The following KCNJ3 variants were observed in gnomAD, a reference collection of about 807,000 sequenced individuals.
KCNJ3 encodes the protein G protein-activated inward rectifier potassium channel 1.
In KCNJ3, 4 loss-of-function variants were observed where a neutral mutation model predicts 39.2. The observed-to-expected ratio is 0.10, with a 90% CI of 0.05 to 0.23. KCNJ3 has a LOEUF of 0.23. KCNJ3 is among the 10% of genes least tolerant of loss of function. KCNJ3 has a pLI of 1.00. For missense variants in KCNJ3, 276 were observed against 634.9 expected, an observed-to-expected ratio of 0.43 and a Z score of 6.08; for synonymous variants, 230 against 237.4, an observed-to-expected ratio of 0.97 and a Z score of 0.29.
intron 2 of KCNJ3, among the ~76,000 whole-genome samples, chr2:154,828,239 C>A (rs1015976056): frequency 6.6e-6 from 1 of 152,118 alleles, no homozygotes; most frequent in Non-Finnish European, 1.5e-5. Context: ...CTGATGAGAG[C>A]CATCATATGA....
At chr2:154,844,271 C>T (rs775297026) in intron 2 of KCNJ3, among the ~76,000 whole-genome samples, 6 of 152,196 alleles carry the variant, frequency 3.9e-5, no homozygotes, top group Admixed American at 1.3e-4. Context: ...GTGTCACCAG[C>T]GGAGGCTGCA....
intron 2 of KCNJ3, among the ~76,000 whole-genome samples, chr2:154,748,573 A>G (rs1685785023): frequency 6.6e-6 from 1 of 152,034 alleles, no homozygotes; most frequent in Non-Finnish European, 1.5e-5. Context: ...CTTGGAACCA[A>G]ACTCATCCAA....
At chr2:154,769,088 T>A (rs1267590055) in intron 2 of KCNJ3, among the ~76,000 whole-genome samples, 1 of 152,234 alleles carries the variant, frequency 6.6e-6, no homozygotes, top group Non-Finnish European at 1.5e-5. Flanking sequence ...GATTTTGGGC[T>A]GAGACAATGG....
intron 2 of KCNJ3, among the ~76,000 whole-genome samples, chr2:154,819,744 T>G (rs1182607413): frequency 2.0e-5 from 3 of 152,120 alleles, no homozygotes; most frequent in Non-Finnish European, 2.9e-5. Flanking sequence ...TTGGCCAGGA[T>G]GCTCTCAATC....
intron 2 of KCNJ3, among the ~76,000 whole-genome samples, chr2:154,755,476 C>A (rs940870667): frequency 6.6e-6 from 1 of 150,790 alleles, no homozygotes; most frequent in Non-Finnish European, 1.5e-5. Context: ...CATTATTCTG[C>A]CTAAGGAATG....
At chr2:154,850,811 C>G (rs1687745880) in intron 2 of KCNJ3, among the ~76,000 whole-genome samples, 2 of 152,102 alleles carry the variant, frequency 1.3e-5, no homozygotes, top group Non-Finnish European at 2.9e-5. Flanking sequence ...TTAATACACC[C>G]CATATATCCA....
intron 2 of KCNJ3, among the ~76,000 whole-genome samples, chr2:154,846,162 G>A (rs949041242): frequency 8.6e-5 from 13 of 151,982 alleles, no homozygotes; most frequent in Non-Finnish European, 1.8e-4. Context: ...TAGTAGACTG[G>A]GCTCAGTTCC....
At chr2:154,833,171 T>C (rs2971899) in intron 2 of KCNJ3, among the ~76,000 whole-genome samples, 31,376 of 152,168 alleles carry the variant, frequency 0.21, 3,538 homozygotes, top group East Asian at 0.41. Flanking sequence ...CATCACGGTA[T>C]GTAGGTCCTT....
chr2:154,837,438 A>C (rs1687489130), intron 2 of KCNJ3, among the ~76,000 whole-genome samples: 1 of 152,174 alleles, frequency 6.6e-6, no homozygotes, highest in South Asian at 2.1e-4. Flanking sequence ...TCCAGATTGA[A>C]ATGTAGCATA....
intron 2 of KCNJ3, among the ~76,000 whole-genome samples, chr2:154,850,898 T>C (rs1000887784): frequency 2.6e-5 from 4 of 152,160 alleles, no homozygotes; most frequent in African/African-American, 9.7e-5. Flanking sequence ...ATATCAGTAA[T>C]GTAACTTTTT....
chr2:154,728,429 T>C (rs10932167), intron 2 of KCNJ3, among the ~76,000 whole-genome samples: 36,965 of 152,112 alleles, frequency 0.24, 5,490 homozygotes, highest in South Asian at 0.32. Flanking sequence ...GGAAAGGGGA[T>C]ATCTAAAATA....
At position 154,854,912 on chromosome 2, in the gene KCNJ3, T is replaced by C. The variant is rs781229979; in HGVS notation, c.1105T>C (p.Ser369Pro). The C allele has an allele frequency of 6.2e-7, 1 of 1,613,870 alleles. No individual in the cohort carries two copies. Among genetic ancestry groups the C allele is most frequent in the Non-Finnish European group, 8.5e-7 (1 of 1,179,904 alleles). Residue 369 changes from serine to proline, a missense_variant, in exon 3 of 3, where the codon TCC becomes CCC. Physicochemically the swap from Ser to Pro is moderately conservative, Grantham distance 74. Coordinates refer to ENST00000295101, the MANE Select transcript of KCNJ3 (RefSeq NM_002239.4). ...GCAGGAGGAAATGCTTCTCATGTCG[T>C]CCCCTTTAATAGCACCAGCCATAAC... ...KEQEEMLLMSSPLIAPAITNS... is the reference protein window; with the variant it reads ...KEQEEMLLMSPPLIAPAITNS...
At chr2:154,735,140 G>A (rs1485370057) in intron 2 of KCNJ3, among the ~76,000 whole-genome samples, 1 of 150,574 alleles carries the variant, frequency 6.6e-6, no homozygotes, top group Non-Finnish European at 1.5e-5. Flanking sequence ...AGGCGGGAGT[G>A]CAGGGGCGCG....
intron 2 of KCNJ3, among the ~76,000 whole-genome samples, chr2:154,799,276 G>A (rs994258309): frequency 6.6e-6 from 1 of 152,030 alleles, no homozygotes; most frequent in Non-Finnish European, 1.5e-5. Flanking sequence ...GATAGCTGGG[G>A]TTATAGGTGT....
rs1418495469 is a variant in KCNJ3, at chr2:154,819,632, G to T, written c.920-35095G>T. ...TGCAACCTCTGCCTCCCGGGTTCAA[G>T]CTATTCTTCTGCCTCAGCCTCCTGA... On this transcript the variant is annotated intron_variant, in intron 2 of 2. Transcript: ENST00000295101. Among the ~76,000 whole-genome samples, 4 of 152,114 alleles carry T rather than the reference G, an allele frequency of 2.6e-5. No homozygotes were observed. In the East Asian group the frequency reaches 7.7e-4, roughly 29 times the overall value.
chr2:154,811,096 A>G (rs1051072572), intron 2 of KCNJ3, among the ~76,000 whole-genome samples: 26 of 152,170 alleles, frequency 1.7e-4, no homozygotes, highest in African/African-American at 6.3e-4. Flanking sequence ...CATTTATTGT[A>G]TGCTTAATAT....
At position 154,824,151 on chromosome 2, in the gene KCNJ3, A is replaced by G. The variant is rs148147528; in HGVS notation, c.920-30576A>G. Among the ~76,000 whole-genome samples, 465 of 152,276 alleles carry G rather than the reference A, an allele frequency of 3.1e-3. 4 individuals carry two copies. Among genetic ancestry groups the G allele is most frequent in the African/African-American group, 0.011 (450 of 41,550 alleles). ...GGAGTTGGAGACCAGCCTGAGCAACATGGTGAAACCACATCTCTACAAAAA... is the reference window on the plus strand; with the variant it reads ...GGAGTTGGAGACCAGCCTGAGCAACGTGGTGAAACCACATCTCTACAAAAA... On this transcript the variant is annotated intron_variant, in intron 2 of 2. Coordinates refer to ENST00000295101, the MANE Select transcript of KCNJ3 (RefSeq NM_002239.4).
intron 2 of KCNJ3, among the ~76,000 whole-genome samples, chr2:154,845,584 A>ATGCTT (rs1201898741): frequency 1.3e-5 from 2 of 152,236 alleles, no homozygotes; most frequent in Non-Finnish European, 2.9e-5. Context: ...ATAATTAACA[A>ATGCTT]TGCTTTAATA....
At chr2:154,745,865 G>T (rs1685731326) in intron 2 of KCNJ3, among the ~76,000 whole-genome samples, 1 of 151,894 alleles carries the variant, frequency 6.6e-6, no homozygotes, top group African/African-American at 2.4e-5. Context: ...GCCAGTTGTA[G>T]ATAGAAGTTC....
Sources: gnomAD v4.1 joint callset for allele counts (sites outside exome capture counted in the v4.1 genomes callset) on GRCh38, gnomAD v4.1.1 for gene constraint, MANE v1.5 for transcripts, NCBI Gene and HGNC (gene_info 2026-07-23, HGNC 2026-07-21) for gene names.